FBN2: variants seen among roughly 807,000 people sequenced by gnomAD.
FBN2 encodes fibrillin 2.
In FBN2, 105 loss-of-function variants were observed where a neutral mutation model predicts 355.6. The ratio of observed to expected loss-of-function variants is 0.30; its 90% CI spans 0.25 to 0.35. The LOEUF (loss-of-function observed/expected upper bound fraction) is 0.35, where lower values mean the gene tolerates loss of function less well. FBN2 is among the 10% of genes least tolerant of loss of function. The pLI, the probability that FBN2 is intolerant of heterozygous loss-of-function variation, is 1.00. For synonymous variants in FBN2, 1,350 were observed against 1,301.2 expected, an observed-to-expected ratio of 1.04 and a Z score of -0.81; for missense variants, 3,280 against 3,758.7, an observed-to-expected ratio of 0.87 and a Z score of 3.33.
chr5:128,308,109 T>C (rs1393036144), intron 41 of FBN2, among the ~76,000 whole-genome samples: 1 of 152,140 alleles, frequency 6.6e-6, no homozygotes, highest in Non-Finnish European at 1.5e-5. Flanking sequence ...ATTATTCCTA[T>C]TTTATACATG....
chr5:128,396,745 A>G (rs1752660440), intron 8 of FBN2, among the ~76,000 whole-genome samples: 1 of 152,238 alleles, frequency 6.6e-6, no homozygotes, highest in African/African-American at 2.4e-5. Context: ...AACCAATGGA[A>G]AAAACTGTGA....
At chr5:128,363,760 C>A (rs1454845265) in intron 18 of FBN2, among the ~76,000 whole-genome samples, 6 of 152,164 alleles carry the variant, frequency 3.9e-5, no homozygotes, top group African/African-American at 1.4e-4. Flanking sequence ...GTTCAATAAT[C>A]TTTGCCTGGT....
At chr5:128,419,642 T>C (rs1753293013) in intron 7 of FBN2, among the ~76,000 whole-genome samples, 1 of 152,170 alleles carries the variant, frequency 6.6e-6, no homozygotes, top group Admixed American at 6.5e-5. Context: ...AATTTTCAGA[T>C]GATGAACCAA....
At chr5:128,361,419 T>C (rs1211771027) in intron 19 of FBN2, among the ~76,000 whole-genome samples, 1 of 152,222 alleles carries the variant, frequency 6.6e-6, no homozygotes, top group Admixed American at 6.5e-5. Flanking sequence ...AAACAAATAT[T>C]TGACATTGTA....
Position 128,259,554 on chromosome 5 carries a change from C to T in FBN2, c.8640G>A (p.Lys2880=). Residue 2880 remains lysine (K), a synonymous_variant, in exon 65 of 65, where the codon AAG becomes AAA. Transcript: ENST00000262464. ...LEITSIPLYK[K]KELKKLEESN... ...TCTCTTCCAGTTTCTTAAGCTCCTT[C>T]TTCTTGTAGAGAGGGATGCTAGTGA... is the stretch of plus-strand genomic sequence containing the variant. The T allele has an allele frequency of 6.2e-7, 1 of 1,614,060 alleles. No homozygotes were observed. Among genetic ancestry groups the T allele is most frequent in the South Asian group, 1.1e-5 (1 of 91,066 alleles).
chr5:128,397,005 T>C (rs1355053623), intron 8 of FBN2, among the ~76,000 whole-genome samples: 3 of 152,180 alleles, frequency 2.0e-5, no homozygotes, highest in Non-Finnish European at 4.4e-5. Flanking sequence ...GCTTTTAAGC[T>C]ATCATAAAAT....
At chr5:128,350,219 A>G (rs1316705887) in intron 21 of FBN2, among the ~76,000 whole-genome samples, 1 of 152,210 alleles carries the variant, frequency 6.6e-6, no homozygotes, top group Admixed American at 6.5e-5. Flanking sequence ...TGAGATTCTC[A>G]TAATTTTTCC....
At position 128,264,308 on chromosome 5, in the gene FBN2, AC is replaced by A. The variant is rs745877522; in HGVS notation, c.7961-653del. On this transcript the variant is annotated intron_variant, in intron 62 of 64. Transcript: ENST00000262464. The stretch of plus-strand genomic sequence containing the variant: ...AAACCCTAAATGAAAACGATGGAAA[AC>A]AACACTATTTAGTTAAATCAGTTGA... Among the ~76,000 whole-genome samples the A allele has an allele frequency of 1.4e-4, 21 of 149,084 alleles. 1 individual carries two copies. Among genetic ancestry groups the A allele is most frequent in the Non-Finnish European group, 1.8e-4 (12 of 67,602 alleles).
chr5:128,321,342 T>C (rs993626890), intron 34 of FBN2, among the ~76,000 whole-genome samples: 1 of 152,210 alleles, frequency 6.6e-6, no homozygotes, highest in Non-Finnish European at 1.5e-5. Flanking sequence ...ATGTACAGAA[T>C]GTGCAGGTTT....
At chr5:128,291,507 G>A in intron 49 of FBN2, 22 bp downstream of exon 49, 2 of 1,613,434 alleles carry the variant, frequency 1.2e-6, no homozygotes, top group Non-Finnish European at 1.7e-6. Context: ...AACTGTGACA[G>A]TGAAGTCATG....
intron 62 of FBN2, among the ~76,000 whole-genome samples, chr5:128,269,518 C>G (rs1358237040): frequency 6.0e-5 from 9 of 150,340 alleles, no homozygotes; most frequent in Admixed American, 6.0e-4. Context: ...AGCTGATAAG[C>G]AACTTCAGCG....
At chr5:128,378,545 A>T (rs939574041) in intron 12 of FBN2, among the ~76,000 whole-genome samples, 4 of 152,148 alleles carry the variant, frequency 2.6e-5, no homozygotes, top group African/African-American at 9.7e-5. Context: ...TGATCTAAGG[A>T]AGGAAGATAA....
chr5:128,374,680 G>A lies in FBN2; in HGVS notation c.2043C>T (p.Arg681=), dbSNP rs1476851135. Residue 681 remains arginine (R), a synonymous_variant, in exon 15 of 65, where the codon CGC becomes CGT. Coordinates refer to ENST00000262464, the MANE Select transcript of FBN2 (RefSeq NM_001999.4). ...GHCINSEGSF[R]CDCPPGLAVG... ...CAGCCAGGCCTGGGGGACAGTCACA[G>A]CGGAAGGACCCTTCACTGTTGATGC... 3.1e-6 allele frequency: 5 copies of A among 1,613,864 alleles called. No homozygotes were observed. In the Admixed American group the frequency reaches 5.0e-5, roughly 16 times the overall value.
chr5:128,295,467 A>G (rs1215588910), intron 48 of FBN2, among the ~76,000 whole-genome samples: 1 of 150,474 alleles, frequency 6.6e-6, no homozygotes, highest in Non-Finnish European at 1.5e-5. Flanking sequence ...CCTACCCATG[A>G]GCATGGAATG....
intron 5 of FBN2, among the ~76,000 whole-genome samples, chr5:128,518,948 T>C (rs1209382657): frequency 6.6e-6 from 1 of 152,186 alleles, no homozygotes; most frequent in Non-Finnish European, 1.5e-5. Flanking sequence ...TATTTCATTT[T>C]TAACAGAAGC....
At chr5:128,465,865 G>T (rs1287813051) in intron 5 of FBN2, among the ~76,000 whole-genome samples, 1 of 152,130 alleles carries the variant, frequency 6.6e-6, no homozygotes, top group African/African-American at 2.4e-5. Context: ...TTTGGGGCCG[G>T]GTAGAAATGC....
chr5:128,392,916 G>C (rs761322652), intron 10 of FBN2, among the ~76,000 whole-genome samples: 18 of 152,068 alleles, frequency 1.2e-4, no homozygotes, highest in Admixed American at 2.6e-4. Flanking sequence ...GAACATAAAA[G>C]TAATATTTTC....
intron 36 of FBN2, among the ~76,000 whole-genome samples, chr5:128,316,493 A>G (rs892542285): frequency 6.6e-6 from 1 of 152,204 alleles, no homozygotes; most frequent in Non-Finnish European, 1.5e-5. Flanking sequence ...TAAAGTGTCA[A>G]TCCATACAAA....
intron 5 of FBN2, among the ~76,000 whole-genome samples, chr5:128,495,850 G>A (rs1755642049): frequency 6.6e-6 from 1 of 151,992 alleles, no homozygotes; most frequent in South Asian, 2.1e-4. Context: ...AAATAAAGAG[G>A]ATAATGAAGT....
Sources: gnomAD v4.1 joint callset for allele counts (sites outside exome capture counted in the v4.1 genomes callset) on GRCh38, gnomAD v4.1.1 for gene constraint, MANE v1.5 for transcripts, NCBI Gene and HGNC (gene_info 2026-07-23, HGNC 2026-07-21) for gene names.